Variants in MYLIP observed in about 807,000 individuals in gnomAD.
MYLIP encodes E3 ubiquitin-protein ligase MYLIP.
A neutral mutation model predicts 45.8 loss-of-function variants in MYLIP; 26 were observed. That is an observed-to-expected ratio of 0.57 (90% CI 0.42 to 0.79). The LOEUF (loss-of-function observed/expected upper bound fraction) is 0.79, where lower values mean the gene tolerates loss of function less well. MYLIP is among the 30% of genes least tolerant of loss of function. MYLIP has a pLI of 0.00. For missense variants in MYLIP, 494 were observed against 555.6 expected, an observed-to-expected ratio of 0.89 and a Z score of 1.11; for synonymous variants, 213 against 218.1, an observed-to-expected ratio of 0.98 and a Z score of 0.21.
chr6:16,150,790 AG>A (rs888313616), downstream of MYLIP, among the ~76,000 whole-genome samples: 1 of 152,210 alleles, frequency 6.6e-6, no homozygotes, highest in Non-Finnish European at 1.5e-5. Context: ...CTTTTTATTA[AG>A]GGTTTCAAAA....
chr6:16,162,414 G>T, the MYLIP span, among the ~76,000 whole-genome samples: 1 of 152,090 alleles, frequency 6.6e-6, no homozygotes, highest in Admixed American at 6.5e-5. Flanking sequence ...AGTAAGAAAT[G>T]GCTTGACTTT....
chr6:16,140,474 TG>T (rs761079482), intron 2 of MYLIP, among the ~76,000 whole-genome samples: 35 of 152,182 alleles, frequency 2.3e-4, no homozygotes, highest in Non-Finnish European at 4.0e-4. Flanking sequence ...TGTACATTTT[TG>T]GAGCTCTCTG....
chr6:16,153,508 AAG>A, the MYLIP span, among the ~76,000 whole-genome samples: 1 of 152,210 alleles, frequency 6.6e-6, no homozygotes. Flanking sequence ...CTTCTTAATA[AAG>A]AGAGGAAAAA....
chr6:16,151,185 TAA>T (rs1339394590), downstream of MYLIP, among the ~76,000 whole-genome samples: 6 of 139,774 alleles, frequency 4.3e-5, no homozygotes, highest in South Asian at 2.2e-4. Flanking sequence ...CCATCTCTGC[TAA>T]AAAAAAAAAA....
chr6:16,136,888 CTTTTAT>C (rs1002124440), intron 2 of MYLIP, among the ~76,000 whole-genome samples: 1 of 152,088 alleles, frequency 6.6e-6, no homozygotes, highest in Non-Finnish European at 1.5e-5. Context: ...TTGTTGTTTG[CTTTTAT>C]TTTTGAGTTG....
chr6:16,141,844 A>G (rs745412254), intron 3 of MYLIP, 34 bp downstream of exon 3: 2 of 1,559,352 alleles, frequency 1.3e-6, no homozygotes, highest in Non-Finnish European at 1.8e-6. Flanking sequence ...GTTTACAACT[A>G]GAATAGGCTT....
At chr6:16,146,126 TC>T (rs1371408244) in intron 6 of MYLIP, among the ~76,000 whole-genome samples, 2 of 152,200 alleles carry the variant, frequency 1.3e-5, no homozygotes, top group African/African-American at 4.8e-5. Context: ...CTGACTCTCA[TC>T]CCTAAGTCTC....
At chr6:16,134,066 A>ACT (rs1190548712) in intron 2 of MYLIP, among the ~76,000 whole-genome samples, 1 of 152,096 alleles carries the variant, frequency 6.6e-6, no homozygotes, top group African/African-American at 2.4e-5. Flanking sequence ...GGGAGACTAA[A>ACT]CTCCCCCAAG....
At chr6:16,137,960 GAATGTTACGCCTTGGGCCCCAA>G (rs1759588960) in intron 2 of MYLIP, among the ~76,000 whole-genome samples, 1 of 152,078 alleles carries the variant, frequency 6.6e-6, no homozygotes, top group Non-Finnish European at 1.5e-5. Flanking sequence ...AGTTTAGCCA[GAATGTTACGCCTTGGGCCCCAA>G]AATGTGATCC....
chr6:16,141,606 C>T lies in MYLIP; in HGVS notation c.279-19C>T, dbSNP rs946885432. On this transcript the variant is annotated intron_variant, in intron 2 of 6. Coordinates refer to ENST00000356840, the MANE Select transcript of MYLIP (RefSeq NM_013262.4). The stretch of plus-strand genomic sequence containing the variant: ...CAGGTTATCCCCAAGCATAACCTCA[C>T]TCTCACCTTGCTTTGCAGGCATATC... The T allele has an allele frequency of 6.2e-7, 1 of 1,604,474 alleles. No homozygotes were observed. The highest frequency in any genetic ancestry group is 8.5e-7 in the Non-Finnish European group (1 of 1,172,892).
rs1759815682 is a variant in MYLIP at position 16,147,392 on chromosome 6, C to T, written c.*641C>T. On this transcript the variant is annotated 3_prime_UTR_variant, in exon 7 of 7. Coordinates refer to ENST00000356840, the MANE Select transcript of MYLIP (RefSeq NM_013262.4). Reference sequence around the variant, plus strand: ...AAAGCAGCTCACTCAATGTGGGTGGCTCCCTATTCCTTTACGCTCCCCCTA... The same window carrying T: ...AAAGCAGCTCACTCAATGTGGGTGGTTCCCTATTCCTTTACGCTCCCCCTA... 6.5e-6 allele frequency: 1 copy of T among 152,854 alleles called. No individual in the cohort carries two copies. Among genetic ancestry groups the T allele is most frequent in the Non-Finnish European group, 1.5e-5 (1 of 68,228 alleles). 9.5% of individuals were successfully genotyped at this position (152,854 alleles called of 1,614,324 possible). A position where few individuals can be genotyped will look rare whatever the true frequency, so the allele number is the denominator to read the frequency against.
intron 2 of MYLIP, among the ~76,000 whole-genome samples, chr6:16,133,855 A>G (rs142778822): frequency 1.1e-3 from 174 of 152,292 alleles, no homozygotes; most frequent in Non-Finnish European, 2.1e-3. Flanking sequence ...TTTCCAGAAA[A>G]CAACCCCATT....
the MYLIP span, among the ~76,000 whole-genome samples, chr6:16,157,295 C>T: frequency 4.5e-4 from 69 of 152,338 alleles, no homozygotes; most frequent in Non-Finnish European, 8.8e-4. Context: ...TCAATTTCTT[C>T]CTCCATTGTA....
intron 2 of MYLIP, among the ~76,000 whole-genome samples, chr6:16,132,206 C>A (rs745311013): frequency 6.6e-6 from 1 of 152,188 alleles, no homozygotes; most frequent in Admixed American, 6.5e-5. Flanking sequence ...TGCATTTAAA[C>A]AATGGCTGCA....
At chr6:16,132,698 T>G (rs1380909493) in intron 2 of MYLIP, among the ~76,000 whole-genome samples, 1 of 152,222 alleles carries the variant, frequency 6.6e-6, no homozygotes, top group East Asian at 1.9e-4. Flanking sequence ...CTGGGTCCAG[T>G]TTACAATTAG....
At chr6:16,140,590 G>C (rs865869533) in intron 2 of MYLIP, among the ~76,000 whole-genome samples, 10 of 152,184 alleles carry the variant, frequency 6.6e-5, no homozygotes, top group African/African-American at 2.4e-4. Flanking sequence ...GGGTATCCAA[G>C]CAAGGCGACA....
the MYLIP span, among the ~76,000 whole-genome samples, chr6:16,154,744 G>C: frequency 6.6e-6 from 1 of 152,174 alleles, no homozygotes; most frequent in Non-Finnish European, 1.5e-5. Context: ...TGGAGTTTGA[G>C]GGTACAACCT....
chr6:16,151,022 C>T (rs937202818), downstream of MYLIP, among the ~76,000 whole-genome samples: 9 of 151,944 alleles, frequency 5.9e-5, no homozygotes, highest in Admixed American at 2.6e-4. Context: ...AAAAGGTATG[C>T]CCCGTAGAAC....
In MYLIP at chr6:16,129,567, CGCGCGGTCTCCTCCTGGCGCGCGTGGGGT is replaced by C; in HGVS notation, c.87+165_87+193del. The stretch of plus-strand genomic sequence containing the variant: ...TCCCCTCCTCTCCACGGGCGTGGGG[CGCGCGGTCTCCTCCTGGCGCGCGTGGGGT>C]GCGCGGAGAAAGCGCGCAGCGGGGG... On this transcript the variant is annotated intron_variant, in intron 1 of 6. Transcript: ENST00000356840. This position sits in a 1 kb window ranked among gnomAD's most constrained non-coding sequence, Gnocchi z 5.1. Among the ~76,000 whole-genome samples the C allele has an allele frequency of 6.6e-6, 1 of 152,180 alleles. No homozygotes were observed. Among genetic ancestry groups the C allele is most frequent in the South Asian group, 2.1e-4 (1 of 4,818 alleles).
Sources: gnomAD v4.1 joint callset for allele counts (sites outside exome capture counted in the v4.1 genomes callset) on GRCh38, gnomAD v4.1.1 for gene constraint, Gnocchi (gnomAD v3.1) non-coding constraint, MANE v1.5 for transcripts, NCBI Gene and HGNC (gene_info 2026-07-23, HGNC 2026-07-21) for gene names.